CFAP69: variants seen among roughly 807,000 people sequenced by gnomAD.
CFAP69 encodes cilia- and flagella-associated protein 69.
A neutral mutation model predicts 123.0 loss-of-function variants in CFAP69; 92 were observed. That is an observed-to-expected ratio of 0.75 (90% confidence interval 0.63 to 0.89). The LOEUF (loss-of-function observed/expected upper bound fraction) is 0.89. Ranked by LOEUF, CFAP69 falls within the 40% of genes least tolerant of loss-of-function variation. CFAP69 has a pLI of 0.00. For missense variants in CFAP69, 1,067 were observed against 1,096.9 expected, an observed-to-expected ratio of 0.97 and a Z score of 0.39; for synonymous variants, 380 against 364.3, an observed-to-expected ratio of 1.04 and a Z score of -0.49.
Position 90,245,420 on chromosome 7 carries a change from C to G in CFAP69, c.-5C>G. The G allele has an allele frequency of 6.5e-7, 1 of 1,542,472 alleles. No individual in the cohort carries two copies. Among genetic ancestry groups the G allele is most frequent in the Non-Finnish European group, 8.7e-7 (1 of 1,145,938 alleles). On this transcript the variant is annotated 5_prime_UTR_variant, in exon 1 of 23. Transcript: ENST00000389297. ...CCCCCACTCTCCACCCCGCCGCCAC[C>G]GGCCATGTGGACAGAGGAAGCCGGG...
At chr7:90,276,385 G>A (rs929330267) in intron 9 of CFAP69, among the ~76,000 whole-genome samples, 1 of 152,106 alleles carries the variant, frequency 6.6e-6, no homozygotes, top group African/African-American at 2.4e-5. Flanking sequence ...TGAATTTCAC[G>A]AATGTGAGTC....
chr7:90,284,465 A>G (rs1789964287), intron 13 of CFAP69, among the ~76,000 whole-genome samples: 1 of 152,242 alleles, frequency 6.6e-6, no homozygotes, highest in East Asian at 1.9e-4. Flanking sequence ...TCCTGTGTAG[A>G]CACTGGGGTT....
chr7:90,250,234 G>GAGAGAGAGAGAGAGAGAC (rs1796843816), intron 1 of CFAP69, among the ~76,000 whole-genome samples: 1 of 137,294 alleles, frequency 7.3e-6, no homozygotes, highest in Non-Finnish European at 1.6e-5. Flanking sequence ...GAGAGAGAGA[G>GAGAGAGAGAGAGAGAGAC]ACTCCTTGGT....
intron 4 of CFAP69, among the ~76,000 whole-genome samples, chr7:90,263,044 G>A (rs987186645): frequency 2.0e-5 from 3 of 152,154 alleles, no homozygotes; most frequent in South Asian, 2.1e-4. Context: ...ATTGACATAC[G>A]ATTATATAAT....
At chr7:90,287,519 A>G in intron 14 of CFAP69, 1 of 985,380 alleles carries the variant, frequency 1.0e-6, no homozygotes, top group Middle Eastern at 5.2e-4. Context: ...GTGAACTCTG[A>G]GTCTCAGAGA....
At chr7:90,304,674 GATA>G in intron 18 of CFAP69, 67 bp from the exon 19 acceptor site, 1 of 1,519,492 alleles carries the variant, frequency 6.6e-7, no homozygotes, top group East Asian at 2.3e-5. Context: ...TAGATAGATA[GATA>G]GATAGATAGA....
chr7:90,317,689 A>G, the CFAP69 span: 2 of 152,170 alleles, frequency 1.3e-5, no homozygotes, highest in Non-Finnish European at 2.9e-5. Flanking sequence ...TGGTCTATAC[A>G]TCATCAGAAT....
chr7:90,294,736 A>T (rs185682710), intron 15 of CFAP69, among the ~76,000 whole-genome samples: 33 of 152,260 alleles, frequency 2.2e-4, no homozygotes, highest in Non-Finnish European at 4.1e-4. Context: ...CTCCTAAGGT[A>T]CCCCTCTTTA....
chr7:90,256,920 C>T (rs1797718519), intron 2 of CFAP69, among the ~76,000 whole-genome samples: 1 of 152,146 alleles, frequency 6.6e-6, no homozygotes, highest in South Asian at 2.1e-4. Context: ...TGCTTATTTT[C>T]ATTTTTAATT....
chr7:90,273,219 A>T (rs10226014), intron 8 of CFAP69, among the ~76,000 whole-genome samples: 1 of 151,972 alleles, frequency 6.6e-6, no homozygotes, highest in African/African-American at 2.4e-5. Flanking sequence ...AAGTGAAAAT[A>T]TAATTAGCAA....
At chr7:90,315,990 A>G (rs754212008), downstream of CFAP69, among the ~76,000 whole-genome samples, 3 of 152,180 alleles carry the variant, frequency 2.0e-5, no homozygotes, top group Non-Finnish European at 4.4e-5. Flanking sequence ...CCTACTTGGG[A>G]GGCTGAGGCA....
chr7:90,283,600 C>T (rs968025897), intron 13 of CFAP69, among the ~76,000 whole-genome samples: 1 of 152,112 alleles, frequency 6.6e-6, no homozygotes, highest in African/African-American at 2.4e-5. Flanking sequence ...ATCAATTAGA[C>T]ACTTAATGAG....
At chr7:90,265,509 A>C (rs1799030772) in intron 5 of CFAP69, 132 bp downstream of exon 5, 1 of 593,432 alleles carries the variant, frequency 1.7e-6, no homozygotes, top group Non-Finnish European at 3.0e-6. Flanking sequence ...TTGTTAGTGA[A>C]TTAATCACAG....
In CFAP69 at chr7:90,271,636, CTTTGGGTACTTAAAGT is replaced by C. The variant is rs1562868554; in HGVS notation, c.645_660del (p.Trp216CysfsTer13). ...GCTTGAAAATCAACTTGTTGAGAAA[CTTTGGGTACTTAAAGT>C]TCTGCAGCATCTCTCAACTTCTGGT... On this transcript the variant is annotated frameshift_variant, in exon 7 of 23. Transcript: ENST00000389297. LOFTEE classifies it high-confidence loss of function. The C allele has an allele frequency of 1.2e-6, 2 of 1,613,572 alleles. No homozygotes were observed. Among genetic ancestry groups the C allele is most frequent in the Non-Finnish European group, 1.7e-6 (2 of 1,179,652 alleles).
chr7:90,254,119 G>A (rs1797356544), intron 1 of CFAP69, among the ~76,000 whole-genome samples: 1 of 152,020 alleles, frequency 6.6e-6, no homozygotes, highest in African/African-American at 2.4e-5. Flanking sequence ...TATGTTCTTG[G>A]TACCTTTGTC....
chr7:90,306,538 G>A (rs1793616505), intron 19 of CFAP69, among the ~76,000 whole-genome samples: 1 of 152,104 alleles, frequency 6.6e-6, no homozygotes, highest in African/African-American at 2.4e-5. Context: ...TCAATATAGG[G>A]CTTTAGGGAG....
At chr7:90,260,062 TACA>T (rs1214658510) in intron 3 of CFAP69, among the ~76,000 whole-genome samples, 2 of 152,188 alleles carry the variant, frequency 1.3e-5, no homozygotes, top group Non-Finnish European at 2.9e-5. Context: ...GTAAACTCCT[TACA>T]ACATTATGAT....
chr7:90,303,951 A>G lies in CFAP69; in HGVS notation c.2051-18A>G, dbSNP rs1172761973. On this transcript the variant is annotated intron_variant, in intron 17 of 22. Transcript: ENST00000389297. ...TTTTATCTGTCCCTTTTCTATTTTC[A>G]TGCTATCCAATGATTAGATACAAAA... 1 of 1,537,322 alleles carries G rather than the reference A, an allele frequency of 6.5e-7. No homozygotes were observed. Among genetic ancestry groups the G allele is most frequent in the Non-Finnish European group, 8.8e-7 (1 of 1,140,150 alleles).
At chr7:90,303,302 T>C (rs1251534477) in intron 17 of CFAP69, 2 of 138,400 alleles carry the variant, frequency 1.4e-5, no homozygotes, top group East Asian at 3.9e-4. Flanking sequence ...GTTTGGATGC[T>C]TTTTTTTTTT....
Sources: allele counts gnomAD v4.1 joint callset (sites outside exome capture counted in the v4.1 genomes callset), GRCh38; gene constraint gnomAD v4.1.1; transcripts MANE v1.5; gene names NCBI Gene and HGNC (gene_info 2026-07-23, HGNC 2026-07-21).